The following KCNH7 variants were observed in gnomAD, a reference collection of about 807,000 sequenced individuals.
KCNH7 encodes the protein potassium voltage-gated channel subfamily H member 7, also known as voltage-gated inwardly rectifying potassium channel KCNH7.
KCNH7 carries 49 observed loss-of-function variants against 120.8 expected under a neutral mutation model. The observed-to-expected ratio is 0.41, with a 90% CI of 0.32 to 0.51. KCNH7 has a LOEUF of 0.51. KCNH7 is among the 20% of genes least tolerant of loss of function. The pLI is 0.38. For missense variants in KCNH7, 1,097 were observed against 1,446.6 expected (o/e 0.76, Z 3.92); for synonymous variants, 547 against 516.1 (o/e 1.06, Z -0.81).
chr2:162,486,337 C>T (rs1165679830), intron 6 of KCNH7, among the ~76,000 whole-genome samples: 1 of 152,160 alleles, frequency 6.6e-6, no homozygotes, highest in Non-Finnish European at 1.5e-5. Flanking sequence ...CAGTCCCTCC[C>T]AGCAGGGAGA....
chr2:162,445,406 AAACTT>A (rs1688545093), intron 7 of KCNH7, among the ~76,000 whole-genome samples: 3 of 152,176 alleles, frequency 2.0e-5, no homozygotes. Context: ...AACTGTAGGA[AAACTT>A]AACTTCTTTT....
chr2:162,603,192 T>C (rs1694617282), intron 2 of KCNH7, among the ~76,000 whole-genome samples: 1 of 151,988 alleles, frequency 6.6e-6, no homozygotes, highest in African/African-American at 2.4e-5. Context: ...TAAAGTGAAC[T>C]ATAGATATTG....
In KCNH7 at chr2:162,678,456, C is replaced by G. The variant is rs866068963; in HGVS notation, c.308-141376G>C. ...GATTTTCATCAACAATAAAAATATT[C>G]TATGTCTAATAAAAATCTCCTCATG... On this transcript the variant is annotated intron_variant, in intron 2 of 15. Coordinates refer to ENST00000332142, the MANE Select transcript of KCNH7 (RefSeq NM_033272.4). Among the ~76,000 whole-genome samples the G allele has an allele frequency of 4.1e-4, 62 of 151,440 alleles. No homozygotes were observed. The Middle Eastern group carries it at 0.01, about 25-fold the overall frequency.
At chr2:162,506,802 C>T (rs1193540142) in intron 5 of KCNH7, among the ~76,000 whole-genome samples, 1 of 151,802 alleles carries the variant, frequency 6.6e-6, no homozygotes, top group Admixed American at 6.6e-5. Context: ...TCTGAATTGG[C>T]TACACTTATA....
At chr2:162,481,806 T>C (rs904991551) in intron 6 of KCNH7, among the ~76,000 whole-genome samples, 15 of 152,164 alleles carry the variant, frequency 9.9e-5, no homozygotes, top group African/African-American at 3.6e-4. Context: ...AAATGTGCAG[T>C]TTATTTAGCC....
chr2:162,414,756 A>T lies in KCNH7; in HGVS notation c.2154+8580T>A, dbSNP rs193027258. The stretch of plus-strand genomic sequence containing the variant: ...AAAAATTGAAGTATAAAAAAATCTT[A>T]AAAATGTTGCATTTTAAAAATCCCT... On this transcript the variant is annotated intron_variant, in intron 9 of 15. Transcript: ENST00000332142. 1.2e-4 allele frequency among the ~76,000 whole-genome samples: 19 copies of T among 152,230 alleles called. No individual in the cohort carries two copies. In the East Asian group the frequency reaches 3.5e-3, roughly 28 times the overall value.
intron 6 of KCNH7, among the ~76,000 whole-genome samples, chr2:162,455,280 G>A (rs1688922549): frequency 6.6e-6 from 1 of 152,144 alleles, no homozygotes; most frequent in Non-Finnish European, 1.5e-5. Context: ...TCCCAGGGAT[G>A]AAGCCGACTT....
At chr2:162,535,742 A>G (rs1309140871) in intron 3 of KCNH7, among the ~76,000 whole-genome samples, 1 of 151,740 alleles carries the variant, frequency 6.6e-6, no homozygotes, top group African/African-American at 2.4e-5. Context: ...CCTTCTGAAA[A>G]TTAATATCGA....
At chr2:162,516,857 T>C (rs140639923) in intron 4 of KCNH7, among the ~76,000 whole-genome samples, 1 of 151,912 alleles carries the variant, frequency 6.6e-6, no homozygotes, top group East Asian at 2.0e-4. Context: ...TGACACTGAC[T>C]AGCTCTGTAA....
At chr2:162,815,190 AC>A (rs1343188159) in intron 2 of KCNH7, among the ~76,000 whole-genome samples, 15 of 152,216 alleles carry the variant, frequency 9.9e-5, no homozygotes, top group African/African-American at 3.6e-4. Flanking sequence ...AGATATATTT[AC>A]CCCTCAACTT....
chr2:162,690,407 CT>C (rs749576179), intron 2 of KCNH7, among the ~76,000 whole-genome samples: 2 of 152,040 alleles, frequency 1.3e-5, no homozygotes, highest in Non-Finnish European at 2.9e-5. Context: ...TTTTTAGTGC[CT>C]TTCAGGGCCA....
intron 2 of KCNH7, among the ~76,000 whole-genome samples, chr2:162,647,514 C>G (rs535918562): frequency 6.6e-6 from 1 of 152,140 alleles, no homozygotes; most frequent in African/African-American, 2.4e-5. Flanking sequence ...TGTAATAAGC[C>G]CCACATGTCA....
chr2:162,663,775 T>C (rs188327325), intron 2 of KCNH7, among the ~76,000 whole-genome samples: 1 of 152,268 alleles, frequency 6.6e-6, no homozygotes, highest in Admixed American at 6.5e-5. Context: ...CAAAATGGGA[T>C]AGAAATATCA....
At chr2:162,387,213 C>G (rs548777847) in intron 12 of KCNH7, among the ~76,000 whole-genome samples, 1 of 148,704 alleles carries the variant, frequency 6.7e-6, no homozygotes, top group African/African-American at 2.5e-5. Context: ...CCCACTGAAA[C>G]AGCATTTTTC....
intron 2 of KCNH7, among the ~76,000 whole-genome samples, chr2:162,699,973 A>C (rs956576451): frequency 2.0e-5 from 3 of 152,134 alleles, no homozygotes; most frequent in African/African-American, 7.2e-5. Context: ...GAGAAAAATT[A>C]CTTTTTTTTT....
intron 2 of KCNH7, among the ~76,000 whole-genome samples, chr2:162,558,888 T>C (rs1269329203): frequency 6.6e-6 from 1 of 151,198 alleles, no homozygotes; most frequent in Admixed American, 6.6e-5. Flanking sequence ...ATCCTGTCTC[T>C]ACTAAAAATG....
chr2:162,795,352 G>T (rs1304597145), intron 2 of KCNH7: 2 of 151,962 alleles, frequency 1.3e-5, no homozygotes, highest in Non-Finnish European at 2.9e-5. Context: ...AACAAATGAG[G>T]AATCTAGGCT....
At chr2:162,681,573 A>G (rs1218215037) in intron 2 of KCNH7, among the ~76,000 whole-genome samples, 1 of 151,758 alleles carries the variant, frequency 6.6e-6, no homozygotes, top group Non-Finnish European at 1.5e-5. Flanking sequence ...CTCATGCCTT[A>G]GCAGTCAGTA....
chr2:162,811,561 C>CT (rs1483411406), intron 2 of KCNH7, among the ~76,000 whole-genome samples: 4 of 152,068 alleles, frequency 2.6e-5, no homozygotes, highest in African/African-American at 9.6e-5. Context: ...GCCTCGGAAA[C>CT]TAAGTTATTT....
Sources: allele counts gnomAD v4.1 joint callset (sites outside exome capture counted in the v4.1 genomes callset), GRCh38; gene constraint gnomAD v4.1.1; transcripts MANE v1.5; gene names NCBI Gene and HGNC (gene_info 2026-07-23, HGNC 2026-07-21).